The following SIPA1L1 variants were observed in gnomAD, a reference collection of about 807,000 sequenced individuals.
SIPA1L1 encodes the protein signal induced proliferation associated 1 like 1, also known as signal-induced proliferation-associated 1-like protein 1.
A neutral mutation model predicts 162.7 loss-of-function variants in SIPA1L1; 26 were observed. That is an observed-to-expected ratio of 0.16 (90% CI 0.12 to 0.22). The LOEUF is 0.22. Ranked by LOEUF, SIPA1L1 falls within the 10% of genes least tolerant of loss-of-function variation. The probability of loss-of-function intolerance (pLI) is 1.00; values close to 1 mark genes in which losing one functional copy is unlikely to be tolerated. For synonymous variants in SIPA1L1, 829 were observed against 837.4 expected, an observed-to-expected ratio of 0.99 and a Z score of 0.17; for missense variants, 1,874 against 2,241.0, an observed-to-expected ratio of 0.84 and a Z score of 3.31.
intron 2 of SIPA1L1, among the ~76,000 whole-genome samples, chr14:71,349,882 G>A (rs921111311): frequency 6.6e-6 from 1 of 152,122 alleles, no homozygotes; most frequent in Non-Finnish European, 1.5e-5. Context: ...CCAAATATAG[G>A]CAGAGTGCCT....
At chr14:71,351,737 C>CA (rs1265311672) in intron 2 of SIPA1L1, among the ~76,000 whole-genome samples, 1 of 152,060 alleles carries the variant, frequency 6.6e-6, no homozygotes, top group East Asian at 1.9e-4. Flanking sequence ...TATAACAAGA[C>CA]AACTGTAAGA....
In SIPA1L1 at chr14:71,365,458, T is replaced by C. The variant is rs373692216; in HGVS notation, c.-465+44277T>C. On this transcript the variant is annotated intron_variant, in intron 2 of 23. Coordinates refer to ENST00000381232, the MANE Select transcript of SIPA1L1 (RefSeq NM_001386936.1). ...ATTGCCCGTAGGCACTTTGAGACCCTGAGGTTATTAGTCATGACTGCCTTT... is the reference window on the plus strand; with the variant it reads ...ATTGCCCGTAGGCACTTTGAGACCCCGAGGTTATTAGTCATGACTGCCTTT... Among the ~76,000 whole-genome samples the C allele has an allele frequency of 2.6e-4, 39 of 152,268 alleles. No homozygotes were observed. In the South Asian group the frequency reaches 7.9e-3, roughly 31 times the overall value.
In SIPA1L1 at chr14:71,363,073, G is replaced by A. The variant is rs140347130; in HGVS notation, c.-465+41892G>A. 2.6e-5 allele frequency among the ~76,000 whole-genome samples: 4 copies of A among 152,286 alleles called. No homozygotes were observed. The East Asian group carries it at 7.7e-4, about 29-fold the overall frequency. Reference sequence around the variant, plus strand: ...CTCATTTAAAATGGCTTGTAAAACTGTATTTACCTTTTTTGGGAAAGGGAT... The same window carrying A: ...CTCATTTAAAATGGCTTGTAAAACTATATTTACCTTTTTTGGGAAAGGGAT... On this transcript the variant is annotated intron_variant, in intron 2 of 23. Coordinates refer to ENST00000381232, the MANE Select transcript of SIPA1L1 (RefSeq NM_001386936.1).
chr14:71,406,115 G>A (rs995347219), intron 2 of SIPA1L1, among the ~76,000 whole-genome samples: 1 of 152,158 alleles, frequency 6.6e-6, no homozygotes, highest in African/African-American at 2.4e-5. Context: ...TCTTTGGGAG[G>A]TAGAATTTAT....
At chr14:71,388,146 A>AT (rs2040482117) in intron 2 of SIPA1L1, among the ~76,000 whole-genome samples, 1 of 152,228 alleles carries the variant, frequency 6.6e-6, no homozygotes, top group African/African-American at 2.4e-5. Context: ...CTAAAATATG[A>AT]TTTTTAATTT....
chr14:71,419,699 T>G (rs1016341387), intron 2 of SIPA1L1, among the ~76,000 whole-genome samples: 1 of 151,432 alleles, frequency 6.6e-6, no homozygotes, highest in South Asian at 2.1e-4. Flanking sequence ...GGGTTTCACC[T>G]TGTTAGCCAG....
intron 2 of SIPA1L1, among the ~76,000 whole-genome samples, chr14:71,442,141 C>A (rs1294028713): frequency 7.2e-6 from 1 of 139,252 alleles, no homozygotes; most frequent in Admixed American, 7.5e-5. Context: ...TCACTGTACT[C>A]CAGCCTGGAT....
intron 10 of SIPA1L1, among the ~76,000 whole-genome samples, chr14:71,665,227 C>G (rs910138717): frequency 2.0e-5 from 3 of 152,120 alleles, no homozygotes; most frequent in Non-Finnish European, 2.9e-5. Context: ...CTACTCTGGA[C>G]CCTGGGATAT....
chr14:71,373,631 TG>T (rs1342851482), intron 2 of SIPA1L1, among the ~76,000 whole-genome samples: 6 of 148,468 alleles, frequency 4.0e-5, no homozygotes, highest in Non-Finnish European at 5.9e-5. Context: ...GACTCCACCT[TG>T]GGTGACAGAG....
chr14:71,549,792 T>C (rs1180328615), intron 4 of SIPA1L1, among the ~76,000 whole-genome samples: 1 of 152,242 alleles, frequency 6.6e-6, no homozygotes, highest in Non-Finnish European at 1.5e-5. Flanking sequence ...CCATTTCTTA[T>C]GTATTTCTTC....
intron 3 of SIPA1L1, among the ~76,000 whole-genome samples, chr14:71,514,693 T>C (rs915502030): frequency 6.6e-6 from 1 of 152,170 alleles, no homozygotes; most frequent in Admixed American, 6.5e-5. Flanking sequence ...CCCACCCACA[T>C]TGTGGAGGAT....
At chr14:71,504,157 TA>T (rs997622144) in intron 2 of SIPA1L1, among the ~76,000 whole-genome samples, 63 of 150,338 alleles carry the variant, frequency 4.2e-4, no homozygotes, top group African/African-American at 1.3e-3. Context: ...TCTTGTTCAA[TA>T]AAAAAAAAAT....
At chr14:71,544,617 C>T (rs1210049084) in intron 4 of SIPA1L1, among the ~76,000 whole-genome samples, 3 of 151,924 alleles carry the variant, frequency 2.0e-5, no homozygotes, top group Admixed American at 2.0e-4. Context: ...GGTTGATAAA[C>T]CATCTCTAAT....
chr14:71,338,888 C>T, intron 2 of SIPA1L1, among the ~76,000 whole-genome samples: 1 of 151,862 alleles, frequency 6.6e-6, no homozygotes, highest in East Asian at 1.9e-4. Context: ...TACAGGTGTG[C>T]ACCACCACAC....
At position 71,701,475 on chromosome 14, in the gene SIPA1L1, CA is replaced by C. The variant is rs552466173; in HGVS notation, c.3522-902del. Reference sequence around the variant, plus strand: ...AAGTGATCCTCCTGTATCTGCCTCCCAAAATGCTGGGATTACAGGCGTGAGC... The same window carrying C: ...AAGTGATCCTCCTGTATCTGCCTCCCAAATGCTGGGATTACAGGCGTGAGC... On this transcript the variant is annotated intron_variant, in intron 14 of 23. Coordinates refer to ENST00000381232, the MANE Select transcript of SIPA1L1 (RefSeq NM_001386936.1). 2.0e-5 allele frequency among the ~76,000 whole-genome samples: 3 copies of C among 152,144 alleles called. No individual in the cohort carries two copies. In the South Asian group the frequency reaches 6.2e-4, roughly 32 times the overall value.
intron 7 of SIPA1L1, among the ~76,000 whole-genome samples, chr14:71,646,735 A>C (rs2042206920): frequency 1.3e-5 from 2 of 152,206 alleles, no homozygotes; most frequent in Admixed American, 6.5e-5. Context: ...GCAGGCATGA[A>C]TTATGGTACC....
intron 10 of SIPA1L1, among the ~76,000 whole-genome samples, chr14:71,662,020 T>C (rs1431038062): frequency 6.6e-6 from 1 of 152,230 alleles, no homozygotes; most frequent in East Asian, 1.9e-4. Context: ...GAGACCTTTC[T>C]TGTAAGAATA....
intron 2 of SIPA1L1, among the ~76,000 whole-genome samples, chr14:71,340,109 A>G (rs1282214317): frequency 6.6e-6 from 1 of 152,224 alleles, no homozygotes; most frequent in African/African-American, 2.4e-5. Context: ...TTCGTTTTAA[A>G]CACTATGCTG....
At chr14:71,719,427 G>A (rs776815137) in intron 17 of SIPA1L1, among the ~76,000 whole-genome samples, 39 of 152,170 alleles carry the variant, frequency 2.6e-4, no homozygotes, top group African/African-American at 8.9e-4. Context: ...CTAGTGCTTC[G>A]CATCCTTGCC....
Sources: gnomAD v4.1 joint callset for allele counts (sites outside exome capture counted in the v4.1 genomes callset) on GRCh38, gnomAD v4.1.1 for gene constraint, MANE v1.5 for transcripts, NCBI Gene and HGNC (gene_info 2026-07-23, HGNC 2026-07-21) for gene names.